Variants in MBOAT1 observed in about 807,000 individuals in gnomAD.
The protein encoded by MBOAT1 is membrane-bound glycerophospholipid O-acyltransferase 1.
In MBOAT1, 67 loss-of-function variants were observed where a neutral mutation model predicts 64.4. That is an observed-to-expected ratio of 1.04 (90% CI 0.85 to 1.27). The LOEUF (loss-of-function observed/expected upper bound fraction) is 1.27. Among genes scored for constraint, MBOAT1 ranks in the 50% most tolerant of loss-of-function variants. MBOAT1 has a pLI of 0.00. For synonymous variants in MBOAT1, 229 were observed against 218.9 expected, an observed-to-expected ratio of 1.05 and a Z score of -0.41; for missense variants, 563 against 604.6, an observed-to-expected ratio of 0.93 and a Z score of 0.72.
chr6:20,191,344 T>C (rs1762795047), intron 1 of MBOAT1, among the ~76,000 whole-genome samples: 4 of 152,216 alleles, frequency 2.6e-5, no homozygotes, highest in Admixed American at 1.3e-4. Flanking sequence ...GTTTACAATT[T>C]ACCCGGGCCA....
At chr6:20,109,466 T>C (rs1760056780) in intron 12 of MBOAT1, 132 bp downstream of exon 12, 13 of 1,133,992 alleles carry the variant, frequency 1.1e-5, no homozygotes, top group Admixed American at 7.3e-5. Context: ...AAAGCTTCTA[T>C]GGACACTTCC....
chr6:20,104,886 C>T (rs1054818926), intron 12 of MBOAT1, among the ~76,000 whole-genome samples: 15 of 152,328 alleles, frequency 9.8e-5, no homozygotes, highest in South Asian at 2.1e-4. Flanking sequence ...ATATGCAAAA[C>T]AATAAACTGG....
At chr6:20,120,998 T>A (rs1334846220) in intron 8 of MBOAT1, among the ~76,000 whole-genome samples, 1 of 152,250 alleles carries the variant, frequency 6.6e-6, no homozygotes, top group East Asian at 1.9e-4. Context: ...TGTTGGACTA[T>A]GTGGTCCTCA....
chr6:20,173,668 G>A (rs1762263137), intron 1 of MBOAT1, among the ~76,000 whole-genome samples: 1 of 152,132 alleles, frequency 6.6e-6, no homozygotes, highest in Admixed American at 6.5e-5. Context: ...AAATAAGACA[G>A]GGCCAGGCAT....
intron 4 of MBOAT1, among the ~76,000 whole-genome samples, chr6:20,137,149 C>A (rs548914792): frequency 2.6e-5 from 4 of 152,132 alleles, no homozygotes; most frequent in Non-Finnish European, 5.9e-5. Flanking sequence ...AAAAAAAAAT[C>A]TTGTTTGAAA....
At chr6:20,153,009 T>C (rs1311666901) in intron 1 of MBOAT1, among the ~76,000 whole-genome samples, 1 of 152,104 alleles carries the variant, frequency 6.6e-6, no homozygotes, top group Non-Finnish European at 1.5e-5. Flanking sequence ...ATTTTTTTTG[T>C]ATTTTTAGTA....
chr6:20,168,607 AG>A (rs1762091693), intron 1 of MBOAT1, among the ~76,000 whole-genome samples: 1 of 21,040 alleles, frequency 4.8e-5, no homozygotes, highest in Admixed American at 5.2e-4. Context: ...AAGAGAGAAG[AG>A]AAGAGAAGAG....
At chr6:20,147,508 G>A (rs1761361698) in intron 3 of MBOAT1, among the ~76,000 whole-genome samples, 1 of 152,176 alleles carries the variant, frequency 6.6e-6, no homozygotes. Context: ...GGGTGGTGGT[G>A]CATGCCTATA....
At chr6:20,194,402 T>A (rs890466564) in intron 1 of MBOAT1, among the ~76,000 whole-genome samples, 1 of 152,374 alleles carries the variant, frequency 6.6e-6, no homozygotes, top group African/African-American at 2.4e-5. Flanking sequence ...TCTTTGGCTG[T>A]GGCAGTTTCT....
At chr6:20,140,115 A>G (rs1761127686) in intron 4 of MBOAT1, among the ~76,000 whole-genome samples, 1 of 152,216 alleles carries the variant, frequency 6.6e-6, no homozygotes, top group African/African-American at 2.4e-5. Context: ...AGAAGGTAAA[A>G]GAAAGTAAAG....
chr6:20,128,875 G>T, intron 5 of MBOAT1, 122 bp from the exon 6 acceptor site: 1 of 702,900 alleles, frequency 1.4e-6, no homozygotes, highest in South Asian at 2.0e-5. Flanking sequence ...AAATCATAAA[G>T]AGTTCCTGTT....
Position 20,151,293 on chromosome 6 carries a change from A to G in MBOAT1, c.246-31T>C, listed in dbSNP as rs761481814. On this transcript the variant is annotated intron_variant, in intron 2 of 12. Coordinates refer to ENST00000324607, the MANE Select transcript of MBOAT1 (RefSeq NM_001080480.3). ...AGACATAATAGTAGGGGGAGGAGTA[A>G]TGAATATATTTCATATTAACACAGC... 13 of 1,499,476 alleles carry G rather than the reference A, an allele frequency of 8.7e-6. 1 individual carries two copies. Among genetic ancestry groups the G allele is most frequent in the Admixed American group, 1.7e-5 (1 of 59,274 alleles). The allele number at this position is 1,499,476 out of a possible 1,614,324, so 92.9% of individuals were successfully genotyped here. A position where few individuals can be genotyped will look rare whatever the true frequency, so the allele number is the denominator to read the frequency against.
intron 1 of MBOAT1, among the ~76,000 whole-genome samples, chr6:20,181,270 T>G (rs1363285945): frequency 6.6e-6 from 1 of 152,100 alleles, no homozygotes; most frequent in East Asian, 1.9e-4. Flanking sequence ...CCAGAGCATC[T>G]CAGGAAGGAT....
chr6:20,139,329 T>C (rs1412411828), intron 4 of MBOAT1, among the ~76,000 whole-genome samples: 3 of 152,100 alleles, frequency 2.0e-5, no homozygotes, highest in Non-Finnish European at 1.5e-5. Context: ...GGTTTCACCA[T>C]GTTGGACAGG....
Position 20,113,073 on chromosome 6 carries a change from G to A in MBOAT1, c.1077-65C>T, listed in dbSNP as rs538289456. On this transcript the variant is annotated intron_variant, in intron 10 of 12. Coordinates refer to ENST00000324607, the MANE Select transcript of MBOAT1 (RefSeq NM_001080480.3). Reference sequence around the variant, plus strand: ...CCAGAAACTTCTAAGTACAGCTGCTGTTTCTTGGATAAGACCATGCAGAAA... The same window carrying A: ...CCAGAAACTTCTAAGTACAGCTGCTATTTCTTGGATAAGACCATGCAGAAA... 28 of 1,564,256 alleles carry A rather than the reference G, an allele frequency of 1.8e-5. No homozygotes were observed. In the African/African-American group the frequency reaches 2.9e-4, roughly 16 times the overall value.
rs559274679 is a variant in MBOAT1, at chr6:20,168,481, G to C, written c.100-15712C>G. Among the ~76,000 whole-genome samples, 239 of 128,266 alleles carry C rather than the reference G, an allele frequency of 1.9e-3. 2 individuals carry two copies. Among genetic ancestry groups the C allele is most frequent in the Middle Eastern group, 0.015 (4 of 260 alleles). The allele number at this position is 128,266 out of a possible 152,430, so 84.1% of individuals were successfully genotyped here. A position where few individuals can be genotyped will look rare whatever the true frequency, so the allele number is the denominator to read the frequency against. ...CTCAAGAAAGACAGAGACAGAGACAGAGACAGAGACAGAGAGAGAGAGAGA... is the reference window on the plus strand; with the variant it reads ...CTCAAGAAAGACAGAGACAGAGACACAGACAGAGACAGAGAGAGAGAGAGA... On this transcript the variant is annotated intron_variant, in intron 1 of 12. Transcript: ENST00000324607.
intron 1 of MBOAT1, among the ~76,000 whole-genome samples, chr6:20,166,658 G>A (rs968497434): frequency 2.6e-5 from 4 of 152,094 alleles, no homozygotes; most frequent in Admixed American, 2.6e-4. Context: ...GATAAAGTAG[G>A]AAATCTGCCA....
At chr6:20,119,628 G>A (rs1760433481) in intron 8 of MBOAT1, among the ~76,000 whole-genome samples, 1 of 152,094 alleles carries the variant, frequency 6.6e-6, no homozygotes, top group Non-Finnish European at 1.5e-5. Flanking sequence ...TCTTACGCTT[G>A]GCTTCACTGT....
intron 3 of MBOAT1, among the ~76,000 whole-genome samples, chr6:20,145,566 A>G (rs1481903057): frequency 6.6e-6 from 1 of 152,250 alleles, no homozygotes; most frequent in East Asian, 1.9e-4. Context: ...AAAAGTCTCC[A>G]GTGGATCCCA....
Sources: allele counts gnomAD v4.1 joint callset (sites outside exome capture counted in the v4.1 genomes callset), GRCh38; gene constraint gnomAD v4.1.1; transcripts MANE v1.5; gene names NCBI Gene and HGNC (gene_info 2026-07-23, HGNC 2026-07-21).